MYO9A: variants seen among roughly 807,000 people sequenced by gnomAD.
MYO9A encodes the protein myosin IXA.
Under a neutral mutation model 293.3 loss-of-function variants are expected in MYO9A, and 103 were observed. The observed-to-expected ratio is 0.35, with a 90% CI of 0.30 to 0.41. The LOEUF is 0.41. Ranked by LOEUF, MYO9A falls within the 10% of genes least tolerant of loss-of-function variation. The pLI is 1.00. For synonymous variants in MYO9A, 1,001 were observed against 1,035.7 expected, an observed-to-expected ratio of 0.97 and a Z score of 0.64; for missense variants, 2,685 against 3,033.0, an observed-to-expected ratio of 0.89 and a Z score of 2.69.
chr15:71,878,511 T>C (rs1022829999), intron 30 of MYO9A, among the ~76,000 whole-genome samples: 9 of 152,170 alleles, frequency 5.9e-5, no homozygotes, highest in Non-Finnish European at 2.9e-5. Context: ...TTTAATTTTA[T>C]GTAGCTATAA....
At position 71,928,219 on chromosome 15, in the gene MYO9A, A is replaced by G. The variant is rs1596215553; in HGVS notation, c.2562+5451T>C. Among the ~76,000 whole-genome samples, 4 of 145,334 alleles carry G rather than the reference A, an allele frequency of 2.8e-5. No individual in the cohort carries two copies. In the East Asian group the frequency reaches 7.9e-4, roughly 29 times the overall value. On this transcript the variant is annotated intron_variant, in intron 18 of 41. Transcript: ENST00000356056. ...CAGCCTCCCGAGTAGCTGGGACTAC[A>G]GGCGCCCGCCACTACGCCCGGCTAA... is the stretch of plus-strand genomic sequence containing the variant.
intron 13 of MYO9A, among the ~76,000 whole-genome samples, chr15:71,965,041 C>T (rs2075838535): frequency 6.6e-6 from 1 of 151,760 alleles, no homozygotes; most frequent in Non-Finnish European, 1.5e-5. Flanking sequence ...TTCCTACATT[C>T]CTTGCTTTAA....
chr15:71,929,622 C>T (rs2058421854), intron 18 of MYO9A, among the ~76,000 whole-genome samples: 2 of 152,082 alleles, frequency 1.3e-5, no homozygotes, highest in Non-Finnish European at 2.9e-5. Context: ...ATTCTTGTAT[C>T]GCAAGAATAA....
intron 1 of MYO9A, among the ~76,000 whole-genome samples, chr15:72,098,639 G>A (rs998850079): frequency 1.2e-4 from 18 of 152,086 alleles, no homozygotes; most frequent in South Asian, 8.3e-4. Context: ...AGATAAAAAA[G>A]AATTGCAAAA....
intron 1 of MYO9A, among the ~76,000 whole-genome samples, chr15:72,097,537 CT>C (rs2080103975): frequency 6.6e-6 from 1 of 152,158 alleles, no homozygotes; most frequent in African/African-American, 2.4e-5. Context: ...GCAATATTCA[CT>C]TTATTACAAT....
intron 18 of MYO9A, among the ~76,000 whole-genome samples, chr15:71,928,027 A>ATATATATAT (rs2058360113): frequency 4.6e-4 from 5 of 10,756 alleles, no homozygotes; most frequent in African/African-American, 1.1e-3. Context: ...ATACCTTTCT[A>ATATATATAT]ATATATATAT....
intron 1 of MYO9A, among the ~76,000 whole-genome samples, chr15:72,081,963 T>C (rs2079559276): frequency 6.6e-6 from 1 of 152,184 alleles, no homozygotes; most frequent in African/African-American, 2.4e-5. Context: ...TGAAGTCTGG[T>C]AGATGCCTCC....
At chr15:71,887,886 G>A (rs922841547) in intron 27 of MYO9A, 118 bp downstream of exon 27, 14 of 517,610 alleles carry the variant, frequency 2.7e-5, no homozygotes, top group Non-Finnish European at 4.6e-5. Flanking sequence ...TGGTAAATAA[G>A]TTTAATTTCA....
At chr15:72,101,732 G>A (rs1225345725) in intron 1 of MYO9A, among the ~76,000 whole-genome samples, 6 of 142,202 alleles carry the variant, frequency 4.2e-5, no homozygotes, top group African/African-American at 1.6e-4. Context: ...CCGTCTGGGA[G>A]GTGAGGGGCG....
rs2055634081 is a variant in MYO9A, at chr15:71,851,245, A to G, written c.6581+8T>C. ...ATTAAAAATCGTTCCCTTGCTTCTT[A>G]AAGTTACCTGACTAGATGAAAGATG... On this transcript the variant is annotated splice_region_variant and intron_variant, in intron 37 of 41. Coordinates refer to ENST00000356056, the MANE Select transcript of MYO9A (RefSeq NM_006901.4). 6.2e-7 allele frequency: 1 copy of G among 1,605,266 alleles called. No individual in the cohort carries two copies. Among genetic ancestry groups the G allele is most frequent in the South Asian group, 1.1e-5 (1 of 89,614 alleles).
At chr15:72,059,915 G>A (rs1162930122) in intron 1 of MYO9A, among the ~76,000 whole-genome samples, 1 of 152,144 alleles carries the variant, frequency 6.6e-6, no homozygotes, top group East Asian at 1.9e-4. Flanking sequence ...TAGGCACCCT[G>A]TAGTTTTATA....
chr15:71,838,215 T>C (rs1445372775), intron 39 of MYO9A, among the ~76,000 whole-genome samples: 1 of 152,166 alleles, frequency 6.6e-6, no homozygotes, highest in Non-Finnish European at 1.5e-5. Flanking sequence ...GGAGCTTCTC[T>C]TTATTAAGGA....
At chr15:71,906,648 TA>T (rs1440024495) in intron 19 of MYO9A, among the ~76,000 whole-genome samples, 5 of 152,058 alleles carry the variant, frequency 3.3e-5, no homozygotes, top group African/African-American at 1.2e-4. Flanking sequence ...TCGCATGGTT[TA>T]TTTTTTTTCA....
At chr15:72,087,321 C>A (rs1386661772) in intron 1 of MYO9A, among the ~76,000 whole-genome samples, 2 of 152,200 alleles carry the variant, frequency 1.3e-5, no homozygotes, top group Non-Finnish European at 2.9e-5. Context: ...AGATGGGCAT[C>A]CCTGGCCATG....
chr15:72,043,516 T>C (rs148212757), intron 2 of MYO9A, among the ~76,000 whole-genome samples: 15 of 152,332 alleles, frequency 9.8e-5, no homozygotes, highest in African/African-American at 3.4e-4. Context: ...CAAAAAGGAA[T>C]GTATTATCGA....
Position 71,875,847 on chromosome 15 carries a change from G to C in MYO9A, c.5932-9C>G. On this transcript the variant is annotated splice_polypyrimidine_tract_variant and intron_variant, in intron 31 of 41. Transcript: ENST00000356056. ...CTTTCTGTTTTTGGCACCTGACAGG[G>C]GGACAGGAGATATATGGAAATTGTG... 2 of 1,358,118 alleles carry C rather than the reference G, an allele frequency of 1.5e-6. No individual in the cohort carries two copies. The highest frequency in any genetic ancestry group is 1.9e-6 in the Non-Finnish European group (2 of 1,045,680). 84.1% of individuals were successfully genotyped at this position (1,358,118 alleles called of 1,614,324 possible).
chr15:71,936,824 C>T (rs965208431), intron 16 of MYO9A, among the ~76,000 whole-genome samples: 3 of 151,878 alleles, frequency 2.0e-5, no homozygotes, highest in Non-Finnish European at 2.9e-5. Context: ...AGTGAATCAT[C>T]ATCCCTAAGA....
rs968502392 is a variant in MYO9A, at chr15:71,888,106, C to T, written c.5153G>A (p.Arg1718Gln). The T allele has an allele frequency of 3.1e-6, 5 of 1,588,164 alleles. No homozygotes were observed. Among genetic ancestry groups the T allele is most frequent in the Non-Finnish European group, 4.3e-6 (5 of 1,159,880 alleles). ...TGCTTGTTCATCAACTGACGAAAAT[C>T]GCTGTGATGTCTGTAATAATTACAT... Reference protein sequence around the residue: ...AGPGQRETSQRFSSVDEQAKL... With the variant: ...AGPGQRETSQQFSSVDEQAKL... Residue 1718 changes from arginine (R) to glutamine (Q), a missense_variant, in exon 27 of 42, where the codon CGA becomes CAA. Physicochemically the swap from Arg to Gln is conservative, Grantham distance 43. This residue lies in a region of MYO9A where 1,434 missense variants were observed against 1,497.7 expected (regional missense o/e 0.96). Coordinates refer to ENST00000356056, the MANE Select transcript of MYO9A (RefSeq NM_006901.4).
rs1467272084 is a variant in MYO9A, at chr15:72,046,340, A to G, written c.224T>C (p.Ile75Thr). The G allele has an allele frequency of 1.2e-6, 2 of 1,614,048 alleles. No individual in the cohort carries two copies. The highest frequency in any genetic ancestry group is 2.2e-5 in the East Asian group (1 of 44,880). Residue 75 changes from isoleucine (I) to threonine (T), a missense_variant, in exon 2 of 42, where the codon ATT becomes ACT. Ile to Thr is a moderately conservative substitution (Grantham distance 89). Coordinates refer to ENST00000356056, the MANE Select transcript of MYO9A (RefSeq NM_006901.4). ...AACTGGACAATCTGTTGGATTGAGA[A>G]TCCATTCTTCTCCACCAAATTCCTT... The part of the protein sequence containing the change: ...EVKEFGGEEW[I>T]LNPTDCPVQR...
Sources: allele counts gnomAD v4.1 joint callset (sites outside exome capture counted in the v4.1 genomes callset), GRCh38; gene constraint gnomAD v4.1.1; regional missense constraint gnomAD v4.1.1; transcripts MANE v1.5; gene names NCBI Gene and HGNC (gene_info 2026-07-23, HGNC 2026-07-21).